The following S100PBP variants were observed in gnomAD, a reference collection of about 807,000 sequenced individuals.
The protein encoded by S100PBP is S100P-binding protein.
A neutral mutation model predicts 39.9 loss-of-function variants in S100PBP; 15 were observed. The observed-to-expected ratio is 0.38, with a 90% CI of 0.25 to 0.58. The LOEUF is 0.58. Ranked by LOEUF, S100PBP falls within the 20% of genes least tolerant of loss-of-function variation. S100PBP has a pLI of 0.70. For missense variants in S100PBP, 504 were observed against 487.3 expected (o/e 1.03, Z -0.32); for synonymous variants, 178 against 180.3 (o/e 0.99, Z 0.10).
chr1:32,827,012 A>G (rs1639362354), intron 3 of S100PBP, 82 bp downstream of exon 3: 6 of 884,726 alleles, frequency 6.8e-6, no homozygotes, highest in Admixed American at 5.8e-5. Context: ...TATACCTGCT[A>G]TCTCCACACA....
In S100PBP at chr1:32,830,020, T is replaced by C; in HGVS notation, c.977T>C (p.Leu326Pro). 6.2e-7 allele frequency: 1 copy of C among 1,614,000 alleles called. No individual in the cohort carries two copies. The highest frequency in any genetic ancestry group is 1.1e-5 in the South Asian group (1 of 91,082). Residue 326 changes from leucine (L) to proline (P), a missense_variant, in exon 5 of 7, where the codon CTC (leucine) becomes CCC (proline). Coordinates refer to ENST00000373475, the MANE Select transcript of S100PBP (RefSeq NM_022753.4). ...CTAGAACAGCAGAAGCAGCTTTATC[T>C]CAGGAGTGTCATTGCTCATATAGAA... ...SNLEQQKQLY[L>P]RSVIAHIEDP... is the part of the protein sequence containing the mutation.
chr1:32,837,534 C>T (rs1639886062), intron 5 of S100PBP, among the ~76,000 whole-genome samples: 1 of 142,568 alleles, frequency 7.0e-6, no homozygotes, highest in South Asian at 2.3e-4. Flanking sequence ...CATTGCACTC[C>T]GGCCTGGGCA....
intron 5 of S100PBP, among the ~76,000 whole-genome samples, chr1:32,849,326 G>A (rs960118892): frequency 1.3e-5 from 2 of 151,940 alleles, no homozygotes; most frequent in Non-Finnish European, 2.9e-5. Context: ...TTGTAGAGAC[G>A]GGGTTTCACC....
intron 5 of S100PBP, among the ~76,000 whole-genome samples, chr1:32,833,739 A>G (rs952423149): frequency 6.6e-6 from 1 of 152,158 alleles, no homozygotes; most frequent in Non-Finnish European, 1.5e-5. Flanking sequence ...CTATAAATCT[A>G]TCCTGCCACC....
chr1:32,827,448 T>G (rs75616447), intron 3 of S100PBP, among the ~76,000 whole-genome samples: 3,463 of 152,238 alleles, frequency 0.023, 135 homozygotes, highest in African/African-American at 0.077. Flanking sequence ...CGATTCCCTA[T>G]CTGCCAAATG....
upstream of S100PBP, chr1:32,817,499 T>G: frequency 1.7e-6 from 1 of 600,626 alleles, no homozygotes; most frequent in South Asian, 2.0e-5. Context: ...AGGGCGGGGC[T>G]GAGGCGCCTG....
intron 1 of S100PBP, among the ~76,000 whole-genome samples, chr1:32,823,199 A>G (rs770932791): frequency 1.2e-4 from 18 of 152,254 alleles, no homozygotes; most frequent in Admixed American, 5.9e-4. Context: ...GTAAGGAGTT[A>G]GAATGGGGGG....
chr1:32,817,284 A>T (rs1355405852), upstream of S100PBP: 21 of 1,612,470 alleles, frequency 1.3e-5, no homozygotes, highest in Non-Finnish European at 1.8e-5. Context: ...GCCCGGCACC[A>T]GAGCCCCTTC....
chr1:32,823,009 C>T (rs1034555790), intron 1 of S100PBP, among the ~76,000 whole-genome samples: 1 of 151,230 alleles, frequency 6.6e-6, no homozygotes, highest in Non-Finnish European at 1.5e-5. Context: ...AAGTCTGTCA[C>T]AGATGTAGTG....
At chr1:32,819,671 CCTT>C (rs1638953612) in intron 1 of S100PBP, among the ~76,000 whole-genome samples, 1 of 152,176 alleles carries the variant, frequency 6.6e-6, no homozygotes, top group Non-Finnish European at 1.5e-5. Flanking sequence ...AGTAAGCAAG[CCTT>C]CTTTTGACAG....
chr1:32,821,769 G>A (rs1431848881), intron 1 of S100PBP, among the ~76,000 whole-genome samples: 1 of 151,836 alleles, frequency 6.6e-6, no homozygotes, highest in African/African-American at 2.4e-5. Flanking sequence ...TGAATAGCTG[G>A]GGCTACAGGC....
At chr1:32,825,781 C>A (rs926182967) in intron 2 of S100PBP, among the ~76,000 whole-genome samples, 1 of 152,158 alleles carries the variant, frequency 6.6e-6, no homozygotes, top group Non-Finnish European at 1.5e-5. Flanking sequence ...ATGGTGTAGT[C>A]AAATTACTCT....
chr1:32,834,579 C>T (rs1256822178), intron 5 of S100PBP, among the ~76,000 whole-genome samples: 1 of 152,186 alleles, frequency 6.6e-6, no homozygotes, highest in African/African-American at 2.4e-5. Context: ...TACACTATAT[C>T]CTTCTAATCA....
At chr1:32,819,463 C>T (rs1392235445) in intron 1 of S100PBP, among the ~76,000 whole-genome samples, 1 of 152,150 alleles carries the variant, frequency 6.6e-6, no homozygotes, top group African/African-American at 2.4e-5. Context: ...TACTGGGAGG[C>T]TGTGGCATGA....
chr1:32,833,621 C>G (rs1040628448), intron 5 of S100PBP, among the ~76,000 whole-genome samples: 6 of 152,102 alleles, frequency 3.9e-5, no homozygotes, highest in African/African-American at 1.4e-4. Flanking sequence ...CTTGGCCTCC[C>G]AAAGTGCTGG....
intron 3 of S100PBP, among the ~76,000 whole-genome samples, chr1:32,827,661 A>G (rs551871495): frequency 6.6e-6 from 1 of 151,872 alleles, no homozygotes; most frequent in Non-Finnish European, 1.5e-5. Flanking sequence ...TTTGTATTTT[A>G]GTGGAGACGG....
Position 32,826,857 on chromosome 1 carries a change from C to G in S100PBP, c.758C>G (p.Ser253Cys). The change falls in exon 3 of 7, where the codon TCC becomes TGC. Residue 253 changes from serine to cysteine, a missense_variant. By Grantham distance (112) the Ser-to-Cys change is moderately radical. Coordinates refer to ENST00000373475, the MANE Select transcript of S100PBP (RefSeq NM_022753.4). ...DHSETPNMEL[S>C]CRNGGSHKSS... The stretch of plus-strand genomic sequence containing the variant: ...TCAGAGACTCCTAATATGGAGTTAT[C>G]CTGCAGAAATGGTGGTTCACACAAG... 6.2e-7 allele frequency: 1 copy of G among 1,613,318 alleles called. No homozygotes were observed. The highest frequency in any genetic ancestry group is 8.5e-7 in the Non-Finnish European group (1 of 1,179,744).
chr1:32,817,252 C>A (rs767137152), upstream of S100PBP: 4 of 1,613,932 alleles, frequency 2.5e-6, no homozygotes, highest in South Asian at 4.4e-5. Flanking sequence ...CATGGCTCCG[C>A]TACCCCTGCT....
rs1640899831 is a variant in S100PBP at position 32,858,521 on chromosome 1, A to G, written c.*2483A>G. 2 of 152,472 alleles carry G rather than the reference A, an allele frequency of 1.3e-5. No individual in the cohort carries two copies. Among genetic ancestry groups the G allele is most frequent in the African/African-American group, 4.8e-5 (2 of 41,448 alleles). The allele number at this position is 152,472 out of a possible 1,614,324, so 9.4% of individuals were successfully genotyped here. A position where few individuals can be genotyped will look rare whatever the true frequency, so the allele number is the denominator to read the frequency against. ...ATCTGGAGTTTTCATCTCTTTTCAA[A>G]GCTGCATATCTCTTATATTTGGTAT... is the stretch of plus-strand genomic sequence containing the variant. On this transcript the variant is annotated 3_prime_UTR_variant, in exon 7 of 7. Transcript: ENST00000373475.
Sources: gnomAD v4.1 joint callset for allele counts (sites outside exome capture counted in the v4.1 genomes callset) on GRCh38, gnomAD v4.1.1 for gene constraint, MANE v1.5 for transcripts, NCBI Gene and HGNC (gene_info 2026-07-23, HGNC 2026-07-21) for gene names.